ANKS1B: variants seen among roughly 807,000 people sequenced by gnomAD.
ANKS1B encodes the protein ankyrin repeat and sterile alpha motif domain-containing protein 1B.
A neutral mutation model predicts 148.3 loss-of-function variants in ANKS1B; 36 were observed. That is an observed-to-expected ratio of 0.24 (90% CI 0.19 to 0.32). The LOEUF is 0.32. Ranked by LOEUF, ANKS1B falls within the 10% of genes least tolerant of loss-of-function variation. The pLI, the probability that ANKS1B is intolerant of heterozygous loss-of-function variation, is 1.00. For missense variants in ANKS1B, 1,157 were observed against 1,542.6 expected (o/e 0.75, Z 4.19); for synonymous variants, 542 against 560.8 (o/e 0.97, Z 0.47).
chr12:99,704,270 G>A (rs1475924918), intron 8 of ANKS1B, among the ~76,000 whole-genome samples: 1 of 152,082 alleles, frequency 6.6e-6, no homozygotes, highest in Non-Finnish European at 1.5e-5. Flanking sequence ...TCCACAGGCA[G>A]ATGGAGGCCT....
chr12:99,799,411 G>A lies in ANKS1B; in HGVS notation c.669+6993C>T, dbSNP rs114302987. 3.3e-3 allele frequency among the ~76,000 whole-genome samples: 500 copies of A among 152,110 alleles called. 2 individuals are homozygous for A. The highest frequency in any genetic ancestry group is 0.011 in the African/African-American group (473 of 41,514). The stretch of plus-strand genomic sequence containing the variant: ...AAAGAGAGACCTCTCTGACCCTTCC[G>A]TCTCAATCACAGCACCCAGTTTGTT... On this transcript the variant is annotated intron_variant, in intron 4 of 26. Coordinates refer to ENST00000683438, the MANE Select transcript of ANKS1B (RefSeq NM_001352186.2).
chr12:99,601,416 A>T (rs1294666213), intron 9 of ANKS1B, among the ~76,000 whole-genome samples: 1 of 152,112 alleles, frequency 6.6e-6, no homozygotes, highest in Non-Finnish European at 1.5e-5. Context: ...AAAACAGATG[A>T]CATTGTAGCT....
intron 9 of ANKS1B, among the ~76,000 whole-genome samples, chr12:99,575,142 A>G (rs933121557): frequency 1.3e-5 from 2 of 152,126 alleles, no homozygotes; most frequent in Non-Finnish European, 2.9e-5. Flanking sequence ...GCAGCCAGAG[A>G]GAAGAGGCAT....
intron 10 of ANKS1B, among the ~76,000 whole-genome samples, chr12:99,464,658 G>A (rs1027668183): frequency 3.3e-5 from 5 of 152,314 alleles, no homozygotes; most frequent in African/African-American, 1.2e-4. Flanking sequence ...GAAGCCTCAG[G>A]AGCCGATGCG....
chr12:99,909,859 G>A (rs1003057653), intron 1 of ANKS1B, among the ~76,000 whole-genome samples: 2 of 150,980 alleles, frequency 1.3e-5, no homozygotes, highest in Admixed American at 6.6e-5. Context: ...ATCACATTTG[G>A]GTAATGTTAG....
chr12:99,568,831 G>T (rs574431291), intron 9 of ANKS1B, among the ~76,000 whole-genome samples: 1 of 152,316 alleles, frequency 6.6e-6, no homozygotes, highest in African/African-American at 2.4e-5. Flanking sequence ...AAAGCACACA[G>T]TGGCTTTCCT....
intron 9 of ANKS1B, among the ~76,000 whole-genome samples, chr12:99,550,681 AC>A (rs887535184): frequency 2.0e-5 from 3 of 152,030 alleles, no homozygotes; most frequent in African/African-American, 7.2e-5. Context: ...TTTAACAATC[AC>A]CACAGTTATT....
At chr12:99,114,341 T>A (rs1007868406) in intron 15 of ANKS1B, among the ~76,000 whole-genome samples, 9 of 152,244 alleles carry the variant, frequency 5.9e-5, no homozygotes, top group Admixed American at 5.9e-4. Context: ...CTAATCATGA[T>A]GCTTTTCTTC....
chr12:99,109,673 G>A (rs12316681), intron 15 of ANKS1B, among the ~76,000 whole-genome samples: 1 of 152,134 alleles, frequency 6.6e-6, no homozygotes, highest in African/African-American at 2.4e-5. Context: ...GAAAAGCTGA[G>A]GCACAGAGAA....
intron 1 of ANKS1B, among the ~76,000 whole-genome samples, chr12:99,853,237 C>T (rs1301080251): frequency 3.3e-5 from 5 of 152,276 alleles, no homozygotes; most frequent in South Asian, 4.1e-4. Context: ...GGAGCTGATG[C>T]GCTCTTGAAA....
chr12:99,632,756 TATATA>T (rs1241009229), intron 9 of ANKS1B, among the ~76,000 whole-genome samples: 7 of 90,836 alleles, frequency 7.7e-5, no homozygotes, highest in African/African-American at 2.7e-4. Context: ...TATATATATA[TATATA>T]TATATATTTT....
intron 8 of ANKS1B, among the ~76,000 whole-genome samples, chr12:99,740,751 A>G (rs1447897820): frequency 6.6e-6 from 1 of 152,162 alleles, no homozygotes; most frequent in African/African-American, 2.4e-5. Flanking sequence ...ATGGAGGGCA[A>G]GCTGAAGCTG....
intron 9 of ANKS1B, among the ~76,000 whole-genome samples, chr12:99,632,381 G>A (rs1271250223): frequency 1.3e-5 from 2 of 151,954 alleles, no homozygotes; most frequent in African/African-American, 4.8e-5. Context: ...GCAAGAAAAA[G>A]TGGAAATGTG....
rs2099682195 is a variant in ANKS1B at position 98,874,472 on chromosome 12, C to T, written c.2779-42336G>A. Among the ~76,000 whole-genome samples the T allele has an allele frequency of 2.0e-5, 3 of 152,248 alleles. No individual in the cohort carries two copies. The South Asian group carries it at 6.2e-4, about 32-fold the overall frequency. ...TAAGTGACTTTAGCTTGAACATGAA[C>T]TGAGGAGATAATAAATGAAGGGTAA... On this transcript the variant is annotated intron_variant, in intron 17 of 26. Coordinates refer to ENST00000683438, the MANE Select transcript of ANKS1B (RefSeq NM_001352186.2).
intron 8 of ANKS1B, among the ~76,000 whole-genome samples, chr12:99,662,820 A>G (rs2098484217): frequency 6.6e-6 from 1 of 152,056 alleles, no homozygotes; most frequent in Non-Finnish European, 1.5e-5. Flanking sequence ...TTCTCCTTAT[A>G]GTAATAATTG....
chr12:99,936,136 G>T (rs185388736), intron 1 of ANKS1B, among the ~76,000 whole-genome samples: 2 of 152,250 alleles, frequency 1.3e-5, no homozygotes, highest in Non-Finnish European at 2.9e-5. Context: ...TGCCCTGGAT[G>T]TATGGGGATT....
intron 5 of ANKS1B, among the ~76,000 whole-genome samples, chr12:99,780,951 C>A (rs967004375): frequency 6.6e-6 from 1 of 151,846 alleles, no homozygotes; most frequent in African/African-American, 2.4e-5. Context: ...AACTAAAACA[C>A]CTGTTATTAT....
At chr12:99,694,104 T>C (rs2053541237) in intron 8 of ANKS1B, among the ~76,000 whole-genome samples, 1 of 150,060 alleles carries the variant, frequency 6.7e-6, no homozygotes, top group Non-Finnish European at 1.5e-5. Context: ...TTATTCAAAG[T>C]TGTGAGTACC....
intron 14 of ANKS1B, among the ~76,000 whole-genome samples, chr12:99,238,468 C>T (rs991900668): frequency 6.6e-6 from 1 of 152,216 alleles, no homozygotes; most frequent in Non-Finnish European, 1.5e-5. Context: ...GATTCCACCT[C>T]TGGGGGAAGG....
Sources: gnomAD v4.1 joint callset for allele counts (sites outside exome capture counted in the v4.1 genomes callset) on GRCh38, gnomAD v4.1.1 for gene constraint, MANE v1.5 for transcripts, NCBI Gene and HGNC (gene_info 2026-07-23, HGNC 2026-07-21) for gene names.